Variants in GPHN observed in about 807,000 individuals in gnomAD.
The protein encoded by GPHN is gephyrin.
Under a neutral mutation model 95.5 loss-of-function variants are expected in GPHN, and 17 were observed. The ratio of observed to expected loss-of-function variants is 0.18; its 90% CI spans 0.12 to 0.27. The LOEUF is 0.27. Among genes scored for constraint, GPHN ranks in the 10% least tolerant of loss-of-function variants. The pLI, the probability that GPHN is intolerant of heterozygous loss-of-function variation, is 1.00. For missense variants in GPHN, 660 were observed against 978.1 expected (o/e 0.67, Z 4.34); for synonymous variants, 320 against 322.5 (o/e 0.99, Z 0.08).
the GPHN span, among the ~76,000 whole-genome samples, chr14:67,195,268 T>C: frequency 1.8e-4 from 27 of 152,336 alleles, no homozygotes; most frequent in Non-Finnish European, 3.5e-4. Context: ...GACCCAGTCG[T>C]GGCTGCAAAT....
At chr14:67,681,168 T>C in the GPHN span, among the ~76,000 whole-genome samples, 3 of 151,460 alleles carry the variant, frequency 2.0e-5, no homozygotes, top group African/African-American at 4.9e-5. Flanking sequence ...ACACCAGGAG[T>C]GTGTGTACAT....
At chr14:66,830,987 T>G (rs568924028) in intron 4 of GPHN, among the ~76,000 whole-genome samples, 21 of 152,230 alleles carry the variant, frequency 1.4e-4, no homozygotes, top group East Asian at 1.9e-4. Context: ...TCATTAGTCA[T>G]TTTTCTTTCT....
At chr14:67,685,860 C>A in the GPHN span, among the ~76,000 whole-genome samples, 2 of 152,102 alleles carry the variant, frequency 1.3e-5, no homozygotes, top group African/African-American at 2.4e-5. Flanking sequence ...AAGTGATCTG[C>A]CCACCTCGGC....
intron 18 of GPHN, among the ~76,000 whole-genome samples, chr14:67,144,006 G>T (rs1436726420): frequency 6.6e-6 from 1 of 151,404 alleles, no homozygotes; most frequent in Non-Finnish European, 1.5e-5. Flanking sequence ...GGAGGCTGAG[G>T]TGGGTAGGTT....
At chr14:67,592,647 T>C in the GPHN span, 1 of 1,592,908 alleles carries the variant, frequency 6.3e-7, no homozygotes, top group Non-Finnish European at 8.6e-7. Context: ...GGAAGACGGG[T>C]ACTACTTGGG....
chr14:66,731,561 G>T (rs991901250), intron 2 of GPHN, among the ~76,000 whole-genome samples: 1 of 152,302 alleles, frequency 6.6e-6, no homozygotes, highest in South Asian at 2.1e-4. Flanking sequence ...TGAGGGAGAT[G>T]ATCTGAAATT....
the GPHN span, among the ~76,000 whole-genome samples, chr14:67,256,961 GAC>G: frequency 1.3e-5 from 2 of 152,298 alleles, no homozygotes; most frequent in South Asian, 2.1e-4. Flanking sequence ...ACGCGGCTGT[GAC>G]ACAGCCTCAG....
At chr14:67,252,057 C>T in the GPHN span, among the ~76,000 whole-genome samples, 11 of 152,332 alleles carry the variant, frequency 7.2e-5, 1 homozygote, top group African/African-American at 2.6e-4. Context: ...CCACACCACC[C>T]GCCTAAACCT....
At chr14:66,564,752 C>T (rs147219633) in intron 1 of GPHN, among the ~76,000 whole-genome samples, 7 of 152,080 alleles carry the variant, frequency 4.6e-5, no homozygotes, top group Non-Finnish European at 7.4e-5. Context: ...TGTGTGTGTG[C>T]GTGTGCATGC....
the GPHN span, among the ~76,000 whole-genome samples, chr14:67,538,617 A>G: frequency 0.53 from 80,371 of 151,898 alleles, 21,512 homozygotes; most frequent in Non-Finnish European, 0.55. Context: ...TGCTTCTGTC[A>G]GAAGAGCCTC....
intron 3 of GPHN, among the ~76,000 whole-genome samples, chr14:66,811,150 G>C (rs1371275520): frequency 1.3e-5 from 2 of 152,138 alleles, no homozygotes; most frequent in East Asian, 3.8e-4. Context: ...AAGCAGGGAG[G>C]AGCAGAGTAG....
intron 1 of GPHN, among the ~76,000 whole-genome samples, chr14:66,672,336 C>T (rs1433485554): frequency 4.6e-5 from 7 of 151,968 alleles, no homozygotes; most frequent in Admixed American, 3.3e-4. Context: ...GAACGTGGTC[C>T]TTTTGGTGAA....
chr14:67,042,306 G>A (rs1453955498), intron 10 of GPHN, among the ~76,000 whole-genome samples: 2 of 152,140 alleles, frequency 1.3e-5, no homozygotes, highest in Non-Finnish European at 2.9e-5. Flanking sequence ...CTTTGCCCAT[G>A]TCTATGTCCT....
chr14:66,607,782 A>G (rs1329749634), intron 1 of GPHN, among the ~76,000 whole-genome samples: 1 of 151,926 alleles, frequency 6.6e-6, no homozygotes, highest in East Asian at 1.9e-4. Flanking sequence ...ATTTGTGTTC[A>G]TAGAGATGTT....
the GPHN span, among the ~76,000 whole-genome samples, chr14:67,323,006 T>C: frequency 6.6e-6 from 1 of 152,186 alleles, no homozygotes; most frequent in Non-Finnish European, 1.5e-5. Flanking sequence ...GTCTGGCACA[T>C]AGTAAGGCAA....
the GPHN span, among the ~76,000 whole-genome samples, chr14:67,300,849 T>A: frequency 1.3e-5 from 2 of 151,884 alleles, no homozygotes; most frequent in African/African-American, 4.8e-5. Context: ...TCTTTTTTTT[T>A]AATTATATAA....
chr14:67,374,624 C>A, the GPHN span: 2 of 937,392 alleles, frequency 2.1e-6, no homozygotes, highest in Non-Finnish European at 3.2e-6. Context: ...TTTCATACTG[C>A]TACTACCTTA....
the GPHN span, among the ~76,000 whole-genome samples, chr14:67,309,618 C>A: frequency 5.3e-5 from 8 of 152,146 alleles, no homozygotes; most frequent in Non-Finnish European, 8.8e-5. Context: ...GGAAAAGCAT[C>A]TCTGGGTGAT....
the GPHN span, among the ~76,000 whole-genome samples, chr14:67,428,024 C>A: frequency 6.6e-6 from 1 of 151,588 alleles, no homozygotes; most frequent in African/African-American, 2.4e-5. Context: ...CGGGTTCAAG[C>A]GATTCTCCTG....
Sources: gnomAD v4.1 joint callset for allele counts (sites outside exome capture counted in the v4.1 genomes callset) on GRCh38, gnomAD v4.1.1 for gene constraint, MANE v1.5 for transcripts, NCBI Gene and HGNC (gene_info 2026-07-23, HGNC 2026-07-21) for gene names.